The following INTS2 variants were observed in gnomAD, a reference collection of about 807,000 sequenced individuals.
The protein encoded by INTS2 is integrator complex subunit 2.
Under a neutral mutation model 139.6 loss-of-function variants are expected in INTS2, and 57 were observed. The observed-to-expected ratio is 0.41, with a 90% confidence interval of 0.33 to 0.51. The LOEUF (loss-of-function observed/expected upper bound fraction) is 0.51. Among genes scored for constraint, INTS2 ranks in the 20% least tolerant of loss-of-function variants. INTS2 has a pLI of 0.28. For synonymous variants in INTS2, 473 were observed against 493.4 expected (o/e 0.96, Z 0.55); for missense variants, 1,196 against 1,436.7 (o/e 0.83, Z 2.71).
chr17:61,898,477 G>C (rs2079371813), intron 9 of INTS2, among the ~76,000 whole-genome samples: 1 of 152,028 alleles, frequency 6.6e-6, no homozygotes, highest in Non-Finnish European at 1.5e-5. Flanking sequence ...TTTATTTTTA[G>C]TAGAGGGGAG....
In INTS2 at chr17:61,867,620, C is replaced by G; in HGVS notation, c.3528G>C (p.Gln1176His). ...CTGTTCTTTCAATACAGTGACAGAG[C>G]TGTACATCAGGATCCATGCTTCCAG... The part of the protein sequence containing the change: ...RDTGSMDPDV[Q>H]LCHCIERTVI... The change falls in exon 25 of 25, where the codon CAG becomes CAC. Residue 1176 changes from glutamine (Q) to histidine (H), a missense_variant. Physicochemically the swap from Gln to His is conservative, Grantham distance 24. This residue lies in a region of INTS2 where 1,129 missense variants were observed against 1,341.9 expected (regional missense o/e 0.84). Coordinates refer to ENST00000251334, the MANE Select transcript of INTS2 (RefSeq NM_001351695.2). The surrounding 1 kb of genome is among the most constrained non-coding windows in gnomAD (Gnocchi z 5.6). 1 of 1,611,504 alleles carries G rather than the reference C, an allele frequency of 6.2e-7. No homozygotes were observed. Among genetic ancestry groups the G allele is most frequent in the South Asian group, 1.1e-5 (1 of 90,934 alleles).
chr17:61,923,477 CAAA>C (rs933124889), intron 3 of INTS2, among the ~76,000 whole-genome samples: 6 of 30,676 alleles, frequency 2.0e-4, no homozygotes, highest in Middle Eastern at 0.02. Flanking sequence ...ACTCTGTCTC[CAAA>C]AAAAAAAAAA....
At chr17:61,901,136 G>A (rs1441796811) in intron 9 of INTS2, among the ~76,000 whole-genome samples, 1 of 152,002 alleles carries the variant, frequency 6.6e-6, no homozygotes, top group Non-Finnish European at 1.5e-5. Context: ...AAATAAGCCA[G>A]GTGTGGTGGC....
chr17:61,885,078 G>A, intron 15 of INTS2, 73 bp from the exon 16 acceptor site: 2 of 994,388 alleles, frequency 2.0e-6, no homozygotes, highest in Non-Finnish European at 1.5e-6. Flanking sequence ...CAACCCAAAT[G>A]GAAACAAAAA....
At position 61,896,546 on chromosome 17, in the gene INTS2, T is replaced by C. The variant is rs555576019; in HGVS notation, c.1494+923A>G. Among the ~76,000 whole-genome samples the C allele has an allele frequency of 7.2e-5, 11 of 152,186 alleles. No individual in the cohort carries two copies. In the South Asian group the frequency reaches 2.3e-3, roughly 32 times the overall value. On this transcript the variant is annotated intron_variant, in intron 11 of 24. Coordinates refer to ENST00000251334, the MANE Select transcript of INTS2 (RefSeq NM_001351695.2). ...TATATGAAGTAAGATGTATAAGGCATAATGACATATCTTTCCTTTTGAATC... is the reference window on the plus strand; with the variant it reads ...TATATGAAGTAAGATGTATAAGGCACAATGACATATCTTTCCTTTTGAATC...
Position 61,927,858 on chromosome 17 carries a change from T to TGGGG in INTS2, c.-227_-224dup. Reference sequence around the variant, plus strand: ...GGTTGTCGATACAAAGTGGGAAGGATGGGGGCACCACACAAAGGCAGAACC... The same window carrying TGGGG: ...GGTTGTCGATACAAAGTGGGAAGGATGGGGGGGGGCACCACACAAAGGCAGAACC... On this transcript the variant is annotated 5_prime_UTR_variant, in exon 1 of 25. An upstream open reading frame in the 5' UTR loses its in-frame stop. Coordinates refer to ENST00000251334, the MANE Select transcript of INTS2 (RefSeq NM_001351695.2). 2 of 1,613,440 alleles carry TGGGG rather than the reference T, an allele frequency of 1.2e-6. No homozygotes were observed. The highest frequency in any genetic ancestry group is 8.5e-7 in the Non-Finnish European group (1 of 1,179,704).
At chr17:61,902,709 T>TA (rs75310148) in intron 9 of INTS2, among the ~76,000 whole-genome samples, 8,263 of 145,432 alleles carry the variant, frequency 0.057, 306 homozygotes, top group Middle Eastern at 0.15. Context: ...CACTGTCTCT[T>TA]AAAAAAAAAA....
In INTS2 at chr17:61,921,596, G is replaced by C. The variant is rs576220948; in HGVS notation, c.535+129C>G. Reference sequence around the variant, plus strand: ...CATTGTCCAACTATTAGTCACTTTTGACTTAAAATCACATAACATGTTTGT... The same window carrying C: ...CATTGTCCAACTATTAGTCACTTTTCACTTAAAATCACATAACATGTTTGT... On this transcript the variant is annotated intron_variant, in intron 4 of 24. Coordinates refer to ENST00000251334, the MANE Select transcript of INTS2 (RefSeq NM_001351695.2). The C allele has an allele frequency of 5.9e-5, 26 of 442,288 alleles. No homozygotes were observed. The East Asian group carries it at 8.5e-4, about 14-fold the overall frequency. 27.4% of individuals were successfully genotyped at this position (442,288 alleles called of 1,614,324 possible).
intron 16 of INTS2, among the ~76,000 whole-genome samples, chr17:61,883,071 A>G (rs1038583038): frequency 2.0e-5 from 3 of 152,248 alleles, no homozygotes; most frequent in Non-Finnish European, 2.9e-5. Flanking sequence ...AAATGCATAC[A>G]GGAGTATATA....
rs560950133 is a variant in INTS2, at chr17:61,897,111, A to G, written c.1494+358T>C. Among the ~76,000 whole-genome samples the G allele has an allele frequency of 2.0e-5, 3 of 152,302 alleles. No individual in the cohort carries two copies. The East Asian group carries it at 5.8e-4, about 29-fold the overall frequency. On this transcript the variant is annotated intron_variant, in intron 11 of 24. Coordinates refer to ENST00000251334, the MANE Select transcript of INTS2 (RefSeq NM_001351695.2). The surrounding 1 kb of genome is among the most constrained non-coding windows in gnomAD (Gnocchi z 4.4). ...CAGTCATTAAAAATTATACTGTATT[A>G]TAATATTTATTGATATGAGTAAATG...
chr17:61,901,769 AT>A (rs562647141), intron 9 of INTS2, among the ~76,000 whole-genome samples: 1 of 149,540 alleles, frequency 6.7e-6, no homozygotes, highest in Non-Finnish European at 1.5e-5. Context: ...ATTTTTTTGT[AT>A]TTTTTTTAGT....
In INTS2 at chr17:61,907,426, A is replaced by G; in HGVS notation, c.1163T>C (p.Met388Thr). The change falls in exon 8 of 25, where the codon ATG becomes ACG. Residue 388 changes from methionine (M) to threonine (T), a missense_variant. Transcript: ENST00000251334. ...TGAATACTTGAGTCCAGCGATCCCC[A>G]TCAAAGCACAGTACAGACGTAAGAG... ...SALLRLYCAL[M>T]GIAGLKPTEE... The G allele has an allele frequency of 1.9e-6, 3 of 1,590,478 alleles. No individual in the cohort carries two copies. The South Asian group carries it at 3.5e-5, about 18-fold the overall frequency.
At position 61,897,429 on chromosome 17, in the gene INTS2, A is replaced by C. The variant is rs2145936944; in HGVS notation, c.1494+40T>G. On this transcript the variant is annotated intron_variant, in intron 11 of 24. Coordinates refer to ENST00000251334, the MANE Select transcript of INTS2 (RefSeq NM_001351695.2). This position sits in a 1 kb window ranked among gnomAD's most constrained non-coding sequence, Gnocchi z 4.4. ...CTACAACAAAATGTCCAGCTTAGAA[A>C]CACCTTTTTTTTTTTAGAAAGAAGT... 8.2e-7 allele frequency: 1 copy of C among 1,212,826 alleles called. No individual in the cohort carries two copies. Among genetic ancestry groups the C allele is most frequent in the Middle Eastern group, 1.9e-4 (1 of 5,170 alleles). The allele number at this position is 1,212,826 out of a possible 1,614,324, so 75.1% of individuals were successfully genotyped here.
At chr17:61,915,996 G>A (rs991531148) in intron 5 of INTS2, among the ~76,000 whole-genome samples, 82 of 151,802 alleles carry the variant, frequency 5.4e-4, no homozygotes, top group Non-Finnish European at 4.7e-4. Flanking sequence ...AGAAACTTTA[G>A]GATACTAAAG....
chr17:61,866,326 C>CA lies in INTS2; in HGVS notation c.*1230dup, dbSNP rs1455281654. The stretch of plus-strand genomic sequence containing the variant: ...GAGCCAAGATCATCCCACTGCACTC[C>CA]AGCCTGGGCAACAGGGGAAGACTCC... On this transcript the variant is annotated 3_prime_UTR_variant, in exon 25 of 25. Transcript: ENST00000251334. The CA allele has an allele frequency of 6.7e-6, 1 of 149,252 alleles. No individual in the cohort carries two copies. Among genetic ancestry groups the CA allele is most frequent in the African/African-American group, 2.5e-5 (1 of 40,252 alleles). The allele number at this position is 149,252 out of a possible 1,614,324, so 9.2% of individuals were successfully genotyped here.
intron 15 of INTS2, among the ~76,000 whole-genome samples, chr17:61,886,564 A>G (rs544243226): frequency 6.6e-6 from 1 of 152,268 alleles, no homozygotes; most frequent in East Asian, 1.9e-4. Flanking sequence ...GGCCATAGTC[A>G]TCTTATTTAA....
At chr17:61,892,217 T>C (rs1424438883) in intron 13 of INTS2, among the ~76,000 whole-genome samples, 1 of 152,184 alleles carries the variant, frequency 6.6e-6, no homozygotes. Flanking sequence ...AAGCAGATGA[T>C]GCAATCTGGC....
Position 61,889,824 on chromosome 17 carries a change from G to T in INTS2, c.1946C>A (p.Ser649Tyr). The change falls in exon 15 of 25, where the codon TCT (serine) becomes TAT (tyrosine). Residue 649 changes from serine to tyrosine, a missense_variant. This residue lies in a region of INTS2 where 1,129 missense variants were observed against 1,341.9 expected (regional missense o/e 0.84). Transcript: ENST00000251334. ...AQLLVLYYIL[S>Y]YEEALLANTK... ...GTTTGCTAGAAGAGCCTCTTCATAA[G>T]ACAGTATATAGTAGAGCACCAAAAG... 1 of 1,610,118 alleles carries T rather than the reference G, an allele frequency of 6.2e-7. No individual in the cohort carries two copies. The highest frequency in any genetic ancestry group is 8.5e-7 in the Non-Finnish European group (1 of 1,176,978).
At position 61,869,199 on chromosome 17, in the gene INTS2, T is replaced by C. The variant is rs1316497467; in HGVS notation, c.3139-60A>G. On this transcript the variant is annotated intron_variant, in intron 22 of 24. Transcript: ENST00000251334. The surrounding 1 kb of genome is among the most constrained non-coding windows in gnomAD (Gnocchi z 5.4). ...AAGAATATCTTTAGGTATTAAAAAT[T>C]ATAAAATGTTTTGTATAACTAGTAA... The C allele has an allele frequency of 6.8e-7, 1 of 1,470,724 alleles. No individual in the cohort carries two copies. Among genetic ancestry groups the C allele is most frequent in the Admixed American group, 1.7e-5 (1 of 57,446 alleles). The allele number at this position is 1,470,724 out of a possible 1,614,324, so 91.1% of individuals were successfully genotyped here.
Sources: gnomAD v4.1 joint callset for allele counts (sites outside exome capture counted in the v4.1 genomes callset) on GRCh38, gnomAD v4.1.1 for gene constraint, gnomAD v4.1.1 regional missense constraint, Gnocchi (gnomAD v3.1) non-coding constraint, MANE v1.5 for transcripts, NCBI Gene and HGNC (gene_info 2026-07-23, HGNC 2026-07-21) for gene names.